Variants in ERC2 observed in about 807,000 individuals in gnomAD.
The protein encoded by ERC2 is ERC protein 2.
Under a neutral mutation model 114.8 loss-of-function variants are expected in ERC2, and 42 were observed. The observed-to-expected ratio is 0.37, with a 90% CI of 0.29 to 0.47. The LOEUF (loss-of-function observed/expected upper bound fraction) is 0.47. Among genes scored for constraint, ERC2 ranks in the 20% least tolerant of loss-of-function variants. ERC2 has a pLI of 0.99. For missense variants in ERC2, 939 were observed against 1,150.7 expected (o/e 0.82, Z 2.66); for synonymous variants, 454 against 425.5 (o/e 1.07, Z -0.82).
At chr3:56,020,738 GC>G (rs1023895598) in intron 7 of ERC2, among the ~76,000 whole-genome samples, 44 of 152,264 alleles carry the variant, frequency 2.9e-4, no homozygotes, top group African/African-American at 1.0e-3. Flanking sequence ...AGACCCACTG[GC>G]CCACCCTGGC....
chr3:56,009,809 C>T (rs1465258338), intron 9 of ERC2, among the ~76,000 whole-genome samples: 3 of 152,174 alleles, frequency 2.0e-5, no homozygotes, highest in Non-Finnish European at 4.4e-5. Context: ...TCATAACCCC[C>T]AAGCAAGAAT....
chr3:55,809,869 A>C (rs1313982150), intron 14 of ERC2, among the ~76,000 whole-genome samples: 1 of 152,232 alleles, frequency 6.6e-6, no homozygotes, highest in African/African-American at 2.4e-5. Flanking sequence ...TTTCAGATAC[A>C]CCAAATATGT....
intron 17 of ERC2, among the ~76,000 whole-genome samples, chr3:55,649,965 G>A (rs2060546755): frequency 1.3e-5 from 2 of 152,204 alleles, no homozygotes; most frequent in Admixed American, 1.3e-4. Context: ...CGGCAGGGAG[G>A]GGCACAAGGC....
At chr3:55,686,830 TG>T (rs2062359453) in intron 16 of ERC2, among the ~76,000 whole-genome samples, 1 of 152,214 alleles carries the variant, frequency 6.6e-6, no homozygotes, top group African/African-American at 2.4e-5. Context: ...TGTGAGTGAT[TG>T]TTCTGCCACC....
At chr3:55,883,922 CAACAA>C (rs1559813053) in intron 14 of ERC2, among the ~76,000 whole-genome samples, 3 of 151,702 alleles carry the variant, frequency 2.0e-5, no homozygotes, top group African/African-American at 4.9e-5. Flanking sequence ...ACAACAACAA[CAACAA>C]CACCACAAAA....
chr3:56,169,023 C>T (rs1184600072), intron 4 of ERC2, among the ~76,000 whole-genome samples: 4 of 152,202 alleles, frequency 2.6e-5, no homozygotes, highest in Admixed American at 6.5e-5. Context: ...CAAGTGCCCT[C>T]GCTGACCGTG....
At chr3:55,978,808 A>G (rs1343586976) in intron 12 of ERC2, among the ~76,000 whole-genome samples, 1 of 152,260 alleles carries the variant, frequency 6.6e-6, no homozygotes, top group Non-Finnish European at 1.5e-5. Context: ...ATGTTCTAAC[A>G]ATAGATAATG....
intron 3 of ERC2, among the ~76,000 whole-genome samples, chr3:56,240,095 G>A (rs2051228147): frequency 6.6e-6 from 1 of 152,220 alleles, no homozygotes; most frequent in African/African-American, 2.4e-5. Context: ...AAATAAAAAT[G>A]AGATAAATTA....
At chr3:55,555,509 A>G (rs1342271866) in intron 17 of ERC2, among the ~76,000 whole-genome samples, 1 of 152,194 alleles carries the variant, frequency 6.6e-6, no homozygotes, top group Non-Finnish European at 1.5e-5. Context: ...TGTTAGGGGG[A>G]GGGTCACAGA....
At chr3:55,718,685 ACT>A (rs1350119776) in intron 15 of ERC2, among the ~76,000 whole-genome samples, 1 of 151,898 alleles carries the variant, frequency 6.6e-6, no homozygotes, top group East Asian at 1.9e-4. Flanking sequence ...CCCCTCACAG[ACT>A]CTCTCCATGC....
Position 55,735,869 on chromosome 3 carries a change from C to T in ERC2, c.2565-951G>A, listed in dbSNP as rs114858541. Among the ~76,000 whole-genome samples the T allele has an allele frequency of 4.8e-3, 737 of 152,286 alleles. 8 individuals are homozygous for T. Among genetic ancestry groups the T allele is most frequent in the African/African-American group, 0.017 (711 of 41,552 alleles). On this transcript the variant is annotated intron_variant, in intron 14 of 17. Coordinates refer to ENST00000288221, the MANE Select transcript of ERC2 (RefSeq NM_015576.3). ...TGCTCCTTTGCCATCCCACCAAAAA[C>T]GATTACTTCCTCAGCCTTCCTTATT...
At chr3:55,813,070 A>C (rs983556260) in intron 14 of ERC2, among the ~76,000 whole-genome samples, 1 of 152,248 alleles carries the variant, frequency 6.6e-6, no homozygotes, top group Non-Finnish European at 1.5e-5. Context: ...TATTTTGCCT[A>C]TTAAGAAACC....
intron 14 of ERC2, among the ~76,000 whole-genome samples, chr3:55,777,847 T>C (rs2068741889): frequency 6.6e-6 from 1 of 152,218 alleles, no homozygotes; most frequent in African/African-American, 2.4e-5. Context: ...GCCCATTTAG[T>C]GTACTGTTTA....
At position 56,170,585 on chromosome 3, in the gene ERC2, G is replaced by GTTTT. The variant is rs1178172687; in HGVS notation, c.1149+2857_1149+2860dup. 4.9e-4 allele frequency among the ~76,000 whole-genome samples: 30 copies of GTTTT among 61,748 alleles called. 3 individuals are homozygous for GTTTT. The highest frequency in any genetic ancestry group is 1.7e-3 in the African/African-American group (27 of 16,150). 40.5% of individuals were successfully genotyped at this position (61,748 alleles called of 152,430 possible). A position where few individuals can be genotyped will look rare whatever the true frequency, so the allele number is the denominator to read the frequency against. On this transcript the variant is annotated intron_variant, in intron 4 of 17. Coordinates refer to ENST00000288221, the MANE Select transcript of ERC2 (RefSeq NM_015576.3). ...CAATTTAGTCTAAGAAATCTCTTCT[G>GTTTT]TTTTTTTTTTTTTTTTTTTTTTTTT...
chr3:55,854,261 T>C (rs1352486898), intron 14 of ERC2, among the ~76,000 whole-genome samples: 3 of 152,028 alleles, frequency 2.0e-5, no homozygotes, highest in Non-Finnish European at 4.4e-5. Context: ...GGTGTCAGAG[T>C]GAGACTCCAT....
At chr3:55,778,121 A>C (rs1313966827) in intron 14 of ERC2, among the ~76,000 whole-genome samples, 1 of 152,204 alleles carries the variant, frequency 6.6e-6, no homozygotes, top group African/African-American at 2.4e-5. Flanking sequence ...ATTTTGTTAG[A>C]GTAGTACCTA....
intron 14 of ERC2, among the ~76,000 whole-genome samples, chr3:55,822,291 G>A (rs2060155119): frequency 6.6e-6 from 1 of 152,166 alleles, no homozygotes; most frequent in Non-Finnish European, 1.5e-5. Flanking sequence ...TTCCTTTTAA[G>A]ATCCTCACTT....
intron 14 of ERC2, among the ~76,000 whole-genome samples, chr3:55,796,772 C>A (rs1477791245): frequency 1.3e-5 from 2 of 152,196 alleles, no homozygotes. Flanking sequence ...ACAGCCACAC[C>A]CATTTGTTTA....
At chr3:56,448,149 C>T (rs558581451) in intron 1 of ERC2, among the ~76,000 whole-genome samples, 2 of 152,190 alleles carry the variant, frequency 1.3e-5, no homozygotes, top group South Asian at 2.1e-4. Flanking sequence ...TCCAGTAATC[C>T]GTATATGACC....
Sources: allele counts gnomAD v4.1 joint callset (sites outside exome capture counted in the v4.1 genomes callset), GRCh38; gene constraint gnomAD v4.1.1; transcripts MANE v1.5; gene names NCBI Gene and HGNC (gene_info 2026-07-23, HGNC 2026-07-21).